CENPW: variants seen among roughly 807,000 people sequenced by gnomAD.
The protein encoded by CENPW is centromere protein W, also known as cancer-up-regulated gene 2 protein.
In CENPW, 3 loss-of-function variants were observed where a neutral mutation model predicts 11.1. That is an observed-to-expected ratio of 0.27 (90% CI 0.12 to 0.70). The LOEUF is 0.70. CENPW is among the 30% of genes least tolerant of loss of function. The pLI, the probability that CENPW is intolerant of heterozygous loss-of-function variation, is 0.77. For synonymous variants in CENPW, 38 were observed against 42.0 expected, an observed-to-expected ratio of 0.91 and a Z score of 0.37; for missense variants, 100 against 105.6, an observed-to-expected ratio of 0.95 and a Z score of 0.23.
the CENPW span, among the ~76,000 whole-genome samples, chr6:126,449,301 G>A: frequency 3.3e-5 from 5 of 150,990 alleles, no homozygotes; most frequent in East Asian, 1.9e-4. Flanking sequence ...ACTTGTGCAT[G>A]TATCTATTTT....
chr6:126,437,847 G>T, the CENPW span, among the ~76,000 whole-genome samples: 3 of 151,732 alleles, frequency 2.0e-5, no homozygotes, highest in African/African-American at 7.2e-5. Flanking sequence ...AAAACAAAAT[G>T]AAATCAGTTG....
the CENPW span, among the ~76,000 whole-genome samples, chr6:126,379,810 TTAAAG>T: frequency 6.6e-6 from 1 of 152,192 alleles, no homozygotes; most frequent in African/African-American, 2.4e-5. Flanking sequence ...ATCAAACGAA[TTAAAG>T]TATAATTCCA....
the CENPW span, among the ~76,000 whole-genome samples, chr6:126,446,362 C>A: frequency 6.7e-6 from 1 of 148,332 alleles, no homozygotes; most frequent in African/African-American, 2.5e-5. Flanking sequence ...CCCTGGCCCC[C>A]CCACAAGAAA....
At chr6:126,371,057 G>A in the CENPW span, among the ~76,000 whole-genome samples, 10 of 152,204 alleles carry the variant, frequency 6.6e-5, no homozygotes, top group African/African-American at 1.7e-4. Flanking sequence ...GTGAGCCACC[G>A]TGCCTGGCAG....
the CENPW span, among the ~76,000 whole-genome samples, chr6:126,400,022 G>C: frequency 6.6e-6 from 1 of 151,910 alleles, no homozygotes; most frequent in African/African-American, 2.4e-5. Context: ...CATTTGGGTT[G>C]CTTCCATTTT....
At chr6:126,430,289 C>CTTAT in the CENPW span, among the ~76,000 whole-genome samples, 2 of 152,152 alleles carry the variant, frequency 1.3e-5, no homozygotes, top group African/African-American at 4.8e-5. Flanking sequence ...AAGTAAAACA[C>CTTAT]AATTTGGCTT....
the CENPW span, among the ~76,000 whole-genome samples, chr6:126,414,905 CA>C: frequency 5.9e-5 from 9 of 151,322 alleles, no homozygotes; most frequent in South Asian, 4.2e-4. Flanking sequence ...AAATTAGAAA[CA>C]AAAAAATTAT....
At chr6:126,473,543 C>T in the CENPW span, among the ~76,000 whole-genome samples, 1 of 151,912 alleles carries the variant, frequency 6.6e-6, no homozygotes, top group African/African-American at 2.4e-5. Flanking sequence ...ACCAGCCTGG[C>T]CAACATGGTG....
At chr6:126,373,566 T>C in the CENPW span, among the ~76,000 whole-genome samples, 1 of 152,222 alleles carries the variant, frequency 6.6e-6, no homozygotes, top group Non-Finnish European at 1.5e-5. Context: ...GCTGGTTCAC[T>C]TGAAGTTTCT....
the CENPW span, among the ~76,000 whole-genome samples, chr6:126,446,990 T>C: frequency 6.6e-6 from 1 of 151,242 alleles, no homozygotes; most frequent in Non-Finnish European, 1.5e-5. Flanking sequence ...GAAGCTATTT[T>C]GAATTATTCA....
chr6:126,474,370 G>C, the CENPW span, among the ~76,000 whole-genome samples: 1 of 151,974 alleles, frequency 6.6e-6, no homozygotes, highest in Non-Finnish European at 1.5e-5. Flanking sequence ...TAAACCTTGT[G>C]GGTTTAAAGG....
At chr6:126,413,447 T>G in the CENPW span, among the ~76,000 whole-genome samples, 4 of 151,768 alleles carry the variant, frequency 2.6e-5, no homozygotes, top group African/African-American at 4.8e-5. Context: ...AAGTGCTGAA[T>G]GAAAACAAAA....
the CENPW span, among the ~76,000 whole-genome samples, chr6:126,386,105 G>A: frequency 6.6e-6 from 1 of 152,186 alleles, no homozygotes. Flanking sequence ...ATTAGTAGGA[G>A]TTATTTCAAA....
At chr6:126,384,268 T>C in the CENPW span, among the ~76,000 whole-genome samples, 1 of 151,984 alleles carries the variant, frequency 6.6e-6, no homozygotes, top group South Asian at 2.1e-4. Context: ...AGAGGGAAAT[T>C]TGTAGCACTT....
the CENPW span, among the ~76,000 whole-genome samples, chr6:126,382,546 A>G: frequency 6.6e-6 from 1 of 152,138 alleles, no homozygotes; most frequent in Non-Finnish European, 1.5e-5. Flanking sequence ...GCTAAGAATC[A>G]CAATAAAATG....
the CENPW span, among the ~76,000 whole-genome samples, chr6:126,455,624 G>A: frequency 1.0e-2 from 1,508 of 151,372 alleles, 22 homozygotes; most frequent in African/African-American, 0.035. Flanking sequence ...TACTGAGTGG[G>A]GAAAAGCTGG....
At chr6:126,420,265 G>A in the CENPW span, among the ~76,000 whole-genome samples, 1 of 152,088 alleles carries the variant, frequency 6.6e-6, no homozygotes, top group Non-Finnish European at 1.5e-5. Flanking sequence ...GATGGCCTAA[G>A]AGCTAAGTGG....
chr6:126,477,644 AC>A, the CENPW span, among the ~76,000 whole-genome samples: 1 of 152,044 alleles, frequency 6.6e-6, no homozygotes, highest in Admixed American at 6.6e-5. Context: ...AGTCTAATGA[AC>A]CCTGAAACCC....
the CENPW span, among the ~76,000 whole-genome samples, chr6:126,453,928 T>A: frequency 2.3e-4 from 34 of 151,036 alleles, no homozygotes; most frequent in Non-Finnish European, 4.3e-4. Flanking sequence ...AAAAACAGAC[T>A]TTAAACTGGC....
Sources: gnomAD v4.1 joint callset for allele counts (sites outside exome capture counted in the v4.1 genomes callset) on GRCh38, gnomAD v4.1.1 for gene constraint, MANE v1.5 for transcripts, NCBI Gene and HGNC (gene_info 2026-07-23, HGNC 2026-07-21) for gene names.